HTT: variants seen among roughly 807,000 people sequenced by gnomAD.
HTT encodes huntingtin, also known as huntington disease protein.
Under a neutral mutation model 362.3 loss-of-function variants are expected in HTT, and 104 were observed. The observed-to-expected ratio is 0.29, with a 90% CI of 0.24 to 0.34. The LOEUF (loss-of-function observed/expected upper bound fraction) is 0.34. Ranked by LOEUF, HTT falls within the 10% of genes least tolerant of loss-of-function variation. The probability of loss-of-function intolerance (pLI) is 1.00; values close to 1 mark genes in which losing one functional copy is unlikely to be tolerated. For missense variants in HTT, 3,301 were observed against 3,928.6 expected (o/e 0.84, Z 4.27); for synonymous variants, 1,577 against 1,548.7 (o/e 1.02, Z -0.43).
chr4:3,074,824 C>A lies in HTT; in HGVS notation c.-2C>A. On this transcript the variant is annotated 5_prime_UTR_variant, in exon 1 of 67. Transcript: ENST00000355072. ...GACTGCCGTGCCGGGCGGGAGACCG[C>A]CATGGCGACCCTGGAAAAGCTGATG... The A allele has an allele frequency of 6.6e-7, 1 of 1,513,720 alleles. No individual in the cohort carries two copies. Among genetic ancestry groups the A allele is most frequent in the Non-Finnish European group, 8.8e-7 (1 of 1,136,308 alleles). The allele number at this position is 1,513,720 out of a possible 1,614,324, so 93.8% of individuals were successfully genotyped here. A position where few individuals can be genotyped will look rare whatever the true frequency, so the allele number is the denominator to read the frequency against.
rs1211686127 is a variant in HTT at position 3,233,254 on chromosome 4, T to C, written c.8357T>C (p.Val2786Ala). 8 of 1,611,246 alleles carry C rather than the reference T, an allele frequency of 5.0e-6. No homozygotes were observed. The highest frequency in any genetic ancestry group is 6.8e-6 in the Non-Finnish European group (8 of 1,178,158). ...LPSRVGALHGVLYVLECDLLD... is the reference protein window; with the variant it reads ...LPSRVGALHGALYVLECDLLD... Reference sequence around the variant, plus strand: ...AGCAGGGTTGGAGCCCTGCACGGCGTCCTCTATGTGCTGGAGTGCGACCTG... The same window carrying C: ...AGCAGGGTTGGAGCCCTGCACGGCGCCCTCTATGTGCTGGAGTGCGACCTG... The change falls in exon 61 of 67, where the codon GTC (valine) becomes GCC (alanine). Residue 2786 changes from valine (V) to alanine (A), a missense_variant. Physicochemically the swap from Val to Ala is moderately conservative, Grantham distance 64 (BLOSUM62 0). Transcript: ENST00000355072.
rs535408503 is a variant in HTT at position 3,147,066 on chromosome 4, T to C, written c.3295+118T>C. On this transcript the variant is annotated intron_variant, in intron 25 of 66. Transcript: ENST00000355072. ...TATAAGGTCATTGCCAGTGATGGCT[T>C]GTCCCTTTAGTCAAATTTCAGATGT... The C allele has an allele frequency of 1.6e-4, 161 of 1,007,762 alleles. No individual in the cohort carries two copies. In the South Asian group the frequency reaches 2.1e-3, roughly 13 times the overall value. 62.4% of individuals were successfully genotyped at this position (1,007,762 alleles called of 1,614,324 possible).
At position 3,132,524 on chromosome 4, in the gene HTT, A is replaced by G. The variant is rs755719292; in HGVS notation, c.2237-38A>G. 3.8e-6 allele frequency: 6 copies of G among 1,559,040 alleles called. No individual in the cohort carries two copies. In the South Asian group the frequency reaches 5.6e-5, roughly 15 times the overall value. ...TGTTTCGAGTTAGAAAGTTGATAGT[A>G]GGGAATTGTTCCATGGCTGAGCAAT... On this transcript the variant is annotated intron_variant, in intron 16 of 66. Transcript: ENST00000355072.
In HTT at chr4:3,223,408, A is replaced by G. The variant is rs749162170; in HGVS notation, c.7473A>G (p.Glu2491=). The change falls in exon 55 of 67, where the codon GAA becomes GAG. Residue 2491 remains glutamate, a splice_region_variant and synonymous_variant. Transcript: ENST00000355072. ...TGACATGTGGGCTCTCCTTCCAGGAAGACACAGAGAGGACCCAGATCAACG... is the reference window on the plus strand; with the variant it reads ...TGACATGTGGGCTCTCCTTCCAGGAGGACACAGAGAGGACCCAGATCAACG... ...VMEQEESPPE[E]DTERTQINVL... 1 of 1,577,718 alleles carries G rather than the reference A, an allele frequency of 6.3e-7. No homozygotes were observed. The highest frequency in any genetic ancestry group is 8.6e-7 in the Non-Finnish European group (1 of 1,160,154).
chr4:3,167,925 C>G (rs1420017475), intron 29 of HTT, among the ~76,000 whole-genome samples: 2 of 152,140 alleles, frequency 1.3e-5, no homozygotes, highest in Non-Finnish European at 2.9e-5. Context: ...CTAAGTTCAT[C>G]TTTTTTGCTG....
At chr4:3,139,169 C>G (rs950567593) in intron 21 of HTT, among the ~76,000 whole-genome samples, 3 of 152,100 alleles carry the variant, frequency 2.0e-5, no homozygotes, top group African/African-American at 7.2e-5. Flanking sequence ...TGCAGCTTTA[C>G]CATTTTCTGC....
intron 45 of HTT, 68 bp from the exon 46 acceptor site, chr4:3,208,705 G>C: frequency 7.0e-7 from 1 of 1,429,162 alleles, no homozygotes; most frequent in Non-Finnish European, 9.4e-7. Context: ...AGTGTGCAGA[G>C]TTTAGACTAA....
intron 12 of HTT, chr4:3,129,698 G>A: frequency 2.6e-6 from 1 of 389,782 alleles, no homozygotes; most frequent in Non-Finnish European, 4.5e-6. Flanking sequence ...TTTTTTTGGA[G>A]TTTTTAGAGC....
chr4:3,225,613 G>C (rs1356728631), intron 56 of HTT, 48 bp from the exon 57 acceptor site: 1 of 1,562,744 alleles, frequency 6.4e-7, no homozygotes, highest in Admixed American at 1.7e-5. Context: ...TGGGCCTGCG[G>C]CCCTGCCCCC....
intron 6 of HTT, among the ~76,000 whole-genome samples, chr4:3,113,558 GACCT>G (rs1247675250): frequency 6.6e-6 from 1 of 152,196 alleles, no homozygotes. Flanking sequence ...TCAAACTCCT[GACCT>G]CAAGTGATCT....
intron 29 of HTT, among the ~76,000 whole-genome samples, chr4:3,168,951 A>T (rs1489477988): frequency 6.6e-6 from 1 of 150,428 alleles, no homozygotes; most frequent in Non-Finnish European, 1.5e-5. Flanking sequence ...GGGTTTATTG[A>T]GGTTGGGTCT....
At chr4:3,204,808 AAAAG>A (rs1218953908) in intron 42 of HTT, among the ~76,000 whole-genome samples, 1 of 152,112 alleles carries the variant, frequency 6.6e-6, no homozygotes, top group South Asian at 2.1e-4. Flanking sequence ...CTCTACCAAA[AAAAG>A]AAAGAGAGGA....
chr4:3,188,952 T>A lies in HTT; in HGVS notation c.5227T>A (p.Phe1743Ile). 6.2e-7 allele frequency: 1 copy of A among 1,613,834 alleles called. No homozygotes were observed. Among genetic ancestry groups the A allele is most frequent in the Non-Finnish European group, 8.5e-7 (1 of 1,179,830 alleles). Residue 1743 changes from phenylalanine to isoleucine, a missense_variant and splice_region_variant, in exon 40 of 67, where the codon TTT becomes ATT. Phe to Ile is a conservative substitution (Grantham distance 21). Around this residue, in one of 4 missense-constraint regions of HTT, gnomAD observed 2,316 missense variants for 2,658.5 expected, o/e 0.87. Coordinates refer to ENST00000355072, the MANE Select transcript of HTT (RefSeq NM_001388492.1). ...GTCATCTTTTTTGTTTCTTGGAAGG[T>A]TTCTATTACAACTGGTTGGTATTCT... is the stretch of plus-strand genomic sequence containing the variant. ...KNLPEETFSRFLLQLVGILLE... is the reference protein window; with the variant it reads ...KNLPEETFSRILLQLVGILLE...
intron 2 of HTT, among the ~76,000 whole-genome samples, chr4:3,087,320 G>A (rs1048321964): frequency 6.6e-6 from 1 of 152,188 alleles, no homozygotes; most frequent in Non-Finnish European, 1.5e-5. Flanking sequence ...AACCATCTAT[G>A]GTTTGATATT....
intron 5 of HTT, 145 bp downstream of exon 5, chr4:3,105,581 G>A: frequency 1.5e-6 from 1 of 648,592 alleles, no homozygotes; most frequent in East Asian, 2.7e-5. Context: ...TTCCCTCATA[G>A]CACTAATCCA....
chr4:3,146,995 T>C lies in HTT; in HGVS notation c.3295+47T>C, dbSNP rs1389369711. Reference sequence around the variant, plus strand: ...AGGGACTCCAGGACTTGGATTTTGATTTCCTTAGGGGGAATGGGGGTGGTG... The same window carrying C: ...AGGGACTCCAGGACTTGGATTTTGACTTCCTTAGGGGGAATGGGGGTGGTG... On this transcript the variant is annotated intron_variant, in intron 25 of 66. Transcript: ENST00000355072. The C allele has an allele frequency of 1.9e-6, 3 of 1,594,074 alleles. No individual in the cohort carries two copies. The East Asian group carries it at 6.7e-5, about 36-fold the overall frequency.
chr4:3,207,189 C>A, intron 44 of HTT, 92 bp from the exon 45 acceptor site: 1 of 1,209,340 alleles, frequency 8.3e-7, no homozygotes, highest in Non-Finnish European at 1.2e-6. Context: ...CTAGGATGAA[C>A]TGTACACATC....
chr4:3,075,128 C>T (rs1712444706), intron 1 of HTT, 40 bp downstream of exon 1: 1 of 1,213,242 alleles, frequency 8.2e-7, no homozygotes, highest in African/African-American at 1.6e-5. Context: ...CCCGGCGGGT[C>T]CCAGGCTACG....
Position 3,118,776 on chromosome 4 carries a change from T to C in HTT, c.1069-2452T>C, listed in dbSNP as rs151249618. ...TTAATTGCTGATTTTCTTAAGACCT[T>C]TCTCCAAAGTAAATAAATGATGTGG... On this transcript the variant is annotated intron_variant, in intron 8 of 66. Coordinates refer to ENST00000355072, the MANE Select transcript of HTT (RefSeq NM_001388492.1). Among the ~76,000 whole-genome samples, 10 of 152,316 alleles carry C rather than the reference T, an allele frequency of 6.6e-5. No homozygotes were observed. The East Asian group carries it at 1.7e-3, about 26-fold the overall frequency.
Sources: allele counts gnomAD v4.1 joint callset (sites outside exome capture counted in the v4.1 genomes callset), GRCh38; gene constraint gnomAD v4.1.1; regional missense constraint gnomAD v4.1.1; transcripts MANE v1.5; gene names NCBI Gene and HGNC (gene_info 2026-07-23, HGNC 2026-07-21).